OR2L13: variants seen among roughly 807,000 people sequenced by gnomAD.
The protein encoded by OR2L13 is olfactory receptor family 2 subfamily L member 13.
OR2L13 carries 14 observed loss-of-function variants against 15.3 expected under a neutral mutation model. The ratio of observed to expected loss-of-function variants is 0.91; its 90% CI spans 0.60 to 1.43. The LOEUF (loss-of-function observed/expected upper bound fraction) is 1.43. Ranked by LOEUF, OR2L13 falls within the 40% of genes most tolerant of loss-of-function variation. The pLI is 0.00. For missense variants in OR2L13, 367 were observed against 387.9 expected (o/e 0.95, Z 0.45); for synonymous variants, 152 against 142.9 (o/e 1.06, Z -0.45).
chr1:248,033,027 T>G, the OR2L13 span, among the ~76,000 whole-genome samples: 2 of 152,196 alleles, frequency 1.3e-5, no homozygotes, highest in Non-Finnish European at 2.9e-5. Flanking sequence ...ATTACAATGG[T>G]TTGACTTACA....
the OR2L13 span, among the ~76,000 whole-genome samples, chr1:248,049,705 A>T: frequency 6.6e-6 from 1 of 152,172 alleles, no homozygotes. Context: ...TTTCTCAATT[A>T]TTTAACACTT....
At chr1:248,084,618 G>A in the OR2L13 span, 10 of 1,572,432 alleles carry the variant, frequency 6.4e-6, no homozygotes, top group East Asian at 9.0e-5. Flanking sequence ...GTGTGATGGT[G>A]CAAATGGAAA....
the OR2L13 span, chr1:248,022,163 C>T: frequency 3.1e-6 from 5 of 1,613,878 alleles, no homozygotes; most frequent in African/African-American, 1.3e-5. Context: ...ACCTAAATTA[C>T]ATCTCTACGA....
the OR2L13 span, chr1:248,045,965 T>C: frequency 6.6e-6 from 1 of 152,128 alleles, no homozygotes; most frequent in Non-Finnish European, 1.5e-5. Flanking sequence ...TATCAATCAA[T>C]ACATGTTTAA....
At chr1:248,076,980 G>C in the OR2L13 span, among the ~76,000 whole-genome samples, 1 of 152,148 alleles carries the variant, frequency 6.6e-6, no homozygotes, top group African/African-American at 2.4e-5. Context: ...CTGTGGGTTT[G>C]TCATAAATTG....
upstream of OR2L13, chr1:248,095,304 AT>A (rs1664691017): frequency 6.6e-6 from 1 of 152,200 alleles, no homozygotes; most frequent in African/African-American, 2.4e-5. Flanking sequence ...TGCAAACAGG[AT>A]AATATTTCAC....
chr1:248,027,880 C>T, the OR2L13 span, among the ~76,000 whole-genome samples: 1 of 152,060 alleles, frequency 6.6e-6, no homozygotes, highest in South Asian at 2.1e-4. Context: ...CATGTCCACA[C>T]CTGTGATCCC....
chr1:247,961,180 A>G, the OR2L13 span, among the ~76,000 whole-genome samples: 2 of 152,220 alleles, frequency 1.3e-5, no homozygotes, highest in African/African-American at 4.8e-5. Context: ...CAGGCTTGGT[A>G]TACACACATT....
the OR2L13 span, among the ~76,000 whole-genome samples, chr1:248,035,824 A>C: frequency 6.6e-6 from 1 of 152,104 alleles, no homozygotes; most frequent in East Asian, 1.9e-4. Flanking sequence ...TTCTGTCAAC[A>C]TAATTACATT....
At chr1:248,035,844 A>G in the OR2L13 span, among the ~76,000 whole-genome samples, 2 of 152,242 alleles carry the variant, frequency 1.3e-5, no homozygotes, top group South Asian at 4.1e-4. Context: ...TCCACTTTAT[A>G]TCTGCAGTAA....
At chr1:248,032,318 T>C in the OR2L13 span, among the ~76,000 whole-genome samples, 1 of 152,176 alleles carries the variant, frequency 6.6e-6, no homozygotes. Flanking sequence ...TCTTATTTCA[T>C]ACATGAGATA....
At chr1:248,065,206 G>A in the OR2L13 span, among the ~76,000 whole-genome samples, 3 of 152,024 alleles carry the variant, frequency 2.0e-5, no homozygotes, top group African/African-American at 4.8e-5. Context: ...CAAATGTTAC[G>A]CTGTGGTTAT....
the OR2L13 span, among the ~76,000 whole-genome samples, chr1:247,952,871 T>G: frequency 6.6e-6 from 1 of 152,130 alleles, no homozygotes; most frequent in African/African-American, 2.4e-5. Context: ...TCATTCCATC[T>G]CTCTGAAGTT....
At chr1:248,065,171 C>T in the OR2L13 span, among the ~76,000 whole-genome samples, 1 of 152,144 alleles carries the variant, frequency 6.6e-6, no homozygotes, top group Non-Finnish European at 1.5e-5. Flanking sequence ...CATTGTGCCT[C>T]GTTTTAGCCA....
chr1:248,090,770 A>G (rs1483216780), upstream of OR2L13, among the ~76,000 whole-genome samples: 2 of 152,198 alleles, frequency 1.3e-5, no homozygotes, highest in Non-Finnish European at 2.9e-5. Flanking sequence ...ACTTTATTGT[A>G]GAACAATGTA....
At chr1:248,042,336 C>G in the OR2L13 span, 1 of 124,096 alleles carries the variant, frequency 8.1e-6, no homozygotes, top group Middle Eastern at 6.0e-3. Flanking sequence ...AGGGGAACAT[C>G]ACACTCTGGG....
the OR2L13 span, among the ~76,000 whole-genome samples, chr1:248,002,769 A>G: frequency 2.6e-5 from 4 of 151,746 alleles, no homozygotes; most frequent in African/African-American, 9.7e-5. Context: ...GAGGCAGGAG[A>G]ATGGCGGGAA....
upstream of OR2L13, among the ~76,000 whole-genome samples, chr1:248,091,930 A>C (rs1664605897): frequency 6.6e-6 from 1 of 152,170 alleles, no homozygotes; most frequent in Admixed American, 6.5e-5. Context: ...ATGAACATGG[A>C]AAGTTTTTCT....
chr1:247,960,254 G>A, the OR2L13 span, among the ~76,000 whole-genome samples: 121,487 of 152,124 alleles, frequency 0.8, 52,694 homozygotes, highest in South Asian at 0.95. Flanking sequence ...GCAGAACAGC[G>A]GATATTGGTG....
Sources: gnomAD v4.1 joint callset for allele counts (sites outside exome capture counted in the v4.1 genomes callset) on GRCh38, gnomAD v4.1.1 for gene constraint, MANE v1.5 for transcripts, NCBI Gene and HGNC (gene_info 2026-07-23, HGNC 2026-07-21) for gene names.